The following PSMA5 variants were observed in gnomAD, a reference collection of about 807,000 sequenced individuals.
PSMA5 encodes proteasome 20S subunit alpha 5.
PSMA5 carries 3 observed loss-of-function variants against 34.5 expected under a neutral mutation model. The ratio of observed to expected loss-of-function variants is 0.09; its 90% CI spans 0.04 to 0.22. PSMA5 has a LOEUF of 0.22. PSMA5 is among the 10% of genes least tolerant of loss of function. The probability of loss-of-function intolerance (pLI) is 1.00; values close to 1 mark genes in which losing one functional copy is unlikely to be tolerated. For missense variants in PSMA5, 120 were observed against 286.1 expected (o/e 0.42, Z 4.19); for synonymous variants, 88 against 95.8 (o/e 0.92, Z 0.47).
chr1:109,424,702 C>A (rs10858097), intron 1 of PSMA5, among the ~76,000 whole-genome samples: 105,323 of 150,610 alleles, frequency 0.7, 37,233 homozygotes, highest in East Asian at 0.96. Flanking sequence ...TAAACCCAGG[C>A]GGCAGGCCAG....
intron 1 of PSMA5, among the ~76,000 whole-genome samples, chr1:109,424,237 A>G (rs944785992): frequency 4.6e-5 from 7 of 152,158 alleles, no homozygotes; most frequent in Admixed American, 3.3e-4. Context: ...TATTGATTTG[A>G]ATTTCTCTAA....
At position 109,399,635 on chromosome 1, in the gene PSMA5, GT is replaced by G. The variant is rs1653417464; in HGVS notation, c.*2377del. 1 of 152,170 alleles carries G rather than the reference GT, an allele frequency of 6.6e-6. No individual in the cohort carries two copies. Among genetic ancestry groups the G allele is most frequent in the Non-Finnish European group, 1.5e-5 (1 of 68,024 alleles). 9.4% of individuals were successfully genotyped at this position (152,170 alleles called of 1,614,324 possible). A position where few individuals can be genotyped will look rare whatever the true frequency, so the allele number is the denominator to read the frequency against. On this transcript the variant is annotated 3_prime_UTR_variant, in exon 9 of 9. Coordinates refer to ENST00000271308, the MANE Select transcript of PSMA5 (RefSeq NM_002790.4). The stretch of plus-strand genomic sequence containing the variant: ...TATCTGTACCTTCACTTTTTAGTAT[GT>G]TGCTTTTAGTTATCACAGGCTTACA...
chr1:109,403,250 G>C (rs916329310), intron 8 of PSMA5, among the ~76,000 whole-genome samples: 2 of 152,122 alleles, frequency 1.3e-5, no homozygotes, highest in African/African-American at 4.8e-5. Context: ...CTGAGCAATA[G>C]GTGCCACTTC....
At chr1:109,412,739 G>T (rs1308618158) in intron 4 of PSMA5, 4 of 220,968 alleles carry the variant, frequency 1.8e-5, no homozygotes, top group Non-Finnish European at 3.5e-5. Context: ...CAGCTGAGGG[G>T]AGAATATCCT....
At position 109,410,992 on chromosome 1, in the gene PSMA5, T is replaced by G. The variant is rs771085178; in HGVS notation, c.561+19A>C. ...ACCATGATAAAAAAATAGTAAGAGT[T>G]GTGAGAATACTTAATTACCTTGTGG... On this transcript the variant is annotated intron_variant, in intron 7 of 8. Coordinates refer to ENST00000271308, the MANE Select transcript of PSMA5 (RefSeq NM_002790.4). The G allele has an allele frequency of 2.0e-4, 316 of 1,544,394 alleles. No individual in the cohort carries two copies. Among genetic ancestry groups the G allele is most frequent in the Middle Eastern group, 3.4e-4 (2 of 5,944 alleles).
intron 4 of PSMA5, 77 bp downstream of exon 4, chr1:109,412,991 T>G: frequency 7.8e-7 from 1 of 1,284,468 alleles, no homozygotes; most frequent in East Asian, 2.3e-5. Context: ...GTACCTGCAG[T>G]ATAGCCCAGG....
chr1:109,399,294 C>A lies in PSMA5; in HGVS notation c.*2719G>T, dbSNP rs1364760467. 1 of 152,174 alleles carries A rather than the reference C, an allele frequency of 6.6e-6. No individual in the cohort carries two copies. The highest frequency in any genetic ancestry group is 1.5e-5 in the Non-Finnish European group (1 of 68,034). The allele number at this position is 152,174 out of a possible 1,614,324, so 9.4% of individuals were successfully genotyped here. A position where few individuals can be genotyped will look rare whatever the true frequency, so the allele number is the denominator to read the frequency against. On this transcript the variant is annotated 3_prime_UTR_variant, in exon 9 of 9. Transcript: ENST00000271308. Reference sequence around the variant, plus strand: ...AATAGTCTTTTTAAGTTCTCAGTTACTGGACTGAAAAGATAAAGCTGATGA... The same window carrying A: ...AATAGTCTTTTTAAGTTCTCAGTTAATGGACTGAAAAGATAAAGCTGATGA...
intron 6 of PSMA5, 23 bp downstream of exon 6, chr1:109,411,854 G>GA (rs1654004240): frequency 6.3e-7 from 1 of 1,592,458 alleles, no homozygotes; most frequent in Non-Finnish European, 8.6e-7. Context: ...AAGCATGGGG[G>GA]AAAATTACAA....
chr1:109,407,244 C>T (rs1005321878), intron 8 of PSMA5, among the ~76,000 whole-genome samples: 1 of 152,194 alleles, frequency 6.6e-6, no homozygotes, highest in Non-Finnish European at 1.5e-5. Context: ...GCCTCGGCCT[C>T]CCAAAGTGCT....
At chr1:109,415,657 CAA>C (rs1286944467) in intron 2 of PSMA5, among the ~76,000 whole-genome samples, 1 of 151,738 alleles carries the variant, frequency 6.6e-6, no homozygotes, top group African/African-American at 2.4e-5. Flanking sequence ...CCCAGAACCC[CAA>C]AAGAGTAAGT....
Position 109,399,840 on chromosome 1 carries a change from G to A in PSMA5, c.*2173C>T, listed in dbSNP as rs768386794. On this transcript the variant is annotated 3_prime_UTR_variant, in exon 9 of 9. Transcript: ENST00000271308. The stretch of plus-strand genomic sequence containing the variant: ...TGACATTAAATATAAAAGTGGCACT[G>A]TCAGTTCTCCTTTGTGAGATACTGG... The A allele has an allele frequency of 6.6e-6, 1 of 152,156 alleles. No individual in the cohort carries two copies. Among genetic ancestry groups the A allele is most frequent in the Non-Finnish European group, 1.5e-5 (1 of 68,032 alleles). The allele number at this position is 152,156 out of a possible 1,614,324, so 9.4% of individuals were successfully genotyped here. A position where few individuals can be genotyped will look rare whatever the true frequency, so the allele number is the denominator to read the frequency against.
intron 1 of PSMA5, 126 bp from the exon 2 acceptor site, chr1:109,422,052 C>T (rs1336945622): frequency 9.0e-6 from 5 of 553,000 alleles, no homozygotes; most frequent in East Asian, 3.6e-5. Flanking sequence ...TTCTCTACTT[C>T]GCCCACAACA....
intron 1 of PSMA5, among the ~76,000 whole-genome samples, chr1:109,423,657 T>A (rs533013209): frequency 2.4e-4 from 36 of 152,358 alleles, no homozygotes; most frequent in African/African-American, 8.7e-4. Flanking sequence ...GTTCCCAACA[T>A]ACGAAGTTCT....
chr1:109,426,385 T>C lies in PSMA5; in HGVS notation c.-55A>G. 6.2e-7 allele frequency: 1 copy of C among 1,606,114 alleles called. No homozygotes were observed. Among genetic ancestry groups the C allele is most frequent in the Non-Finnish European group, 8.5e-7 (1 of 1,172,988 alleles). The stretch of plus-strand genomic sequence containing the variant: ...CGGGGATTCTGAGGACCAACACGAC[T>C]CCACCGGCACCCAACTCACCGGCAG... On this transcript the variant is annotated 5_prime_UTR_variant, in exon 1 of 9. Coordinates refer to ENST00000271308, the MANE Select transcript of PSMA5 (RefSeq NM_002790.4).
At chr1:109,419,901 T>C (rs1373827028) in intron 2 of PSMA5, among the ~76,000 whole-genome samples, 1 of 148,298 alleles carries the variant, frequency 6.7e-6, no homozygotes, top group East Asian at 2.0e-4. Flanking sequence ...TTGAGCCTGG[T>C]AGGTTGAGGC....
At position 109,426,118 on chromosome 1, in the gene PSMA5, G is replaced by C. The variant is rs752062790; in HGVS notation, c.29+184C>G. ...CAGGGGTGACTCAGCGGTAGGACAA[G>C]TGCCGCCGATGTGGTCTAGCTTGGG... is the stretch of plus-strand genomic sequence containing the variant. On this transcript the variant is annotated intron_variant, in intron 1 of 8. Coordinates refer to ENST00000271308, the MANE Select transcript of PSMA5 (RefSeq NM_002790.4). The C allele has an allele frequency of 5.5e-6, 4 of 727,514 alleles. No homozygotes were observed. The African/African-American group carries it at 7.1e-5, about 13-fold the overall frequency. The allele number at this position is 727,514 out of a possible 1,614,324, so 45.1% of individuals were successfully genotyped here. A position where few individuals can be genotyped will look rare whatever the true frequency, so the allele number is the denominator to read the frequency against.
At chr1:109,419,799 A>C (rs1243766027) in intron 2 of PSMA5, among the ~76,000 whole-genome samples, 3 of 32,360 alleles carry the variant, frequency 9.3e-5, no homozygotes, top group African/African-American at 2.9e-4. Context: ...ACTCCGTCTC[A>C]AAAAAAAAAA....
chr1:109,413,769 T>C (rs1282289120), intron 3 of PSMA5, among the ~76,000 whole-genome samples: 1 of 152,220 alleles, frequency 6.6e-6, no homozygotes, highest in African/African-American at 2.4e-5. Context: ...CACACTCATT[T>C]CCCTTCCAGA....
chr1:109,409,945 T>G lies in PSMA5; in HGVS notation c.631A>C (p.Asn211His), dbSNP rs1380772637. The G allele has an allele frequency of 1.2e-6, 2 of 1,605,076 alleles. No homozygotes were observed. The highest frequency in any genetic ancestry group is 3.4e-5 in the Admixed American group (2 of 59,130). Residue 211 changes from asparagine to histidine, a missense_variant, in exon 8 of 9, where the codon AAT (asparagine) becomes CAT (histidine). Coordinates refer to ENST00000271308, the MANE Select transcript of PSMA5 (RefSeq NM_002790.4). ...GAAAGTACCTCAATGTTTGTTGCATTCAGCTTCTCCTCCATTACTTGTTTG... is the reference window on the plus strand; with the variant it reads ...GAAAGTACCTCAATGTTTGTTGCATGCAGCTTCTCCTCCATTACTTGTTTG... The part of the protein sequence containing the change: ...ILKQVMEEKL[N>H]ATNIELATVQ...
Sources: gnomAD v4.1 joint callset for allele counts (sites outside exome capture counted in the v4.1 genomes callset) on GRCh38, gnomAD v4.1.1 for gene constraint, MANE v1.5 for transcripts, NCBI Gene and HGNC (gene_info 2026-07-23, HGNC 2026-07-21) for gene names.